FAM133B: variants seen among roughly 807,000 people sequenced by gnomAD.
The protein encoded by FAM133B is protein FAM133B.
In FAM133B, 25 loss-of-function variants were observed where a neutral mutation model predicts 46.4. The observed-to-expected ratio is 0.54, with a 90% confidence interval of 0.39 to 0.75. FAM133B has a LOEUF of 0.75. Ranked by LOEUF, FAM133B falls within the 30% of genes least tolerant of loss-of-function variation. The pLI is 0.00. For missense variants in FAM133B, 205 were observed against 277.6 expected (o/e 0.74, Z 1.86); for synonymous variants, 75 against 86.0 (o/e 0.87, Z 0.71).
intron 1 of FAM133B, among the ~76,000 whole-genome samples, chr7:92,584,693 CT>C (rs1794990100): frequency 6.6e-6 from 1 of 152,152 alleles, no homozygotes; most frequent in African/African-American, 2.4e-5. Flanking sequence ...CATTCAACTG[CT>C]TTTGCTAAGC....
chr7:92,567,156 G>A (rs1794374846), intron 9 of FAM133B, among the ~76,000 whole-genome samples: 1 of 152,140 alleles, frequency 6.6e-6, no homozygotes, highest in Non-Finnish European at 1.5e-5. Context: ...GTTCCAGGCT[G>A]CAGTGATCTA....
chr7:92,577,556 G>A, intron 6 of FAM133B, 99 bp downstream of exon 6: 2 of 1,005,652 alleles, frequency 2.0e-6, no homozygotes, highest in Non-Finnish European at 2.8e-6. Flanking sequence ...TCAAAACCTG[G>A]AAGTCAACAT....
intron 10 of FAM133B, 42 bp downstream of exon 10, chr7:92,565,972 A>G (rs1794334217): frequency 6.3e-7 from 1 of 1,599,380 alleles, no homozygotes; most frequent in African/African-American, 1.3e-5. Flanking sequence ...TTAAACCAAA[A>G]CACCTATTCT....
intron 9 of FAM133B, among the ~76,000 whole-genome samples, chr7:92,566,743 C>A (rs1391499026): frequency 1.3e-5 from 2 of 152,204 alleles, no homozygotes; most frequent in African/African-American, 4.8e-5. Flanking sequence ...TATCCACCCT[C>A]AAGGGGAAGT....
Position 92,581,540 on chromosome 7 carries a change from T to C in FAM133B, c.88A>G (p.Ile30Val). The stretch of plus-strand genomic sequence containing the variant: ...CTTGGTCGATTCAGATAATCCTGTA[T>C]TGTTGGCCCTGAAGACTGGATTGGA... ...RGPIQSSGPT[I>V]QDYLNRPRPT... Residue 30 changes from isoleucine to valine, a missense_variant, in exon 2 of 11, where the codon ATA (isoleucine) becomes GTA (valine). Ile to Val is a conservative substitution (Grantham distance 29). Coordinates refer to ENST00000445716, the MANE Select transcript of FAM133B (RefSeq NM_152789.4). 2.5e-6 allele frequency: 4 copies of C among 1,613,904 alleles called. No homozygotes were observed. The highest frequency in any genetic ancestry group is 3.4e-6 in the Non-Finnish European group (4 of 1,179,834).
At chr7:92,572,936 T>G (rs1794576192) in intron 8 of FAM133B, among the ~76,000 whole-genome samples, 1 of 152,008 alleles carries the variant, frequency 6.6e-6, no homozygotes, top group Non-Finnish European at 1.5e-5. Flanking sequence ...ACAGTAATGC[T>G]GAATGAAAAG....
In FAM133B at chr7:92,564,523, G is replaced by GAACA. The variant is rs376049285; in HGVS notation, c.657+1487_657+1490dup. On this transcript the variant is annotated intron_variant, in intron 10 of 10. Coordinates refer to ENST00000445716, the MANE Select transcript of FAM133B (RefSeq NM_152789.4). Reference sequence around the variant, plus strand: ...TTCACCCAAACTACTTTCACATTCAGAACAAACAAACAAACAAACAAAAAC... The same window carrying GAACA: ...TTCACCCAAACTACTTTCACATTCAGAACAAACAAACAAACAAACAAACAAAAAC... 3.3e-3 allele frequency among the ~76,000 whole-genome samples: 496 copies of GAACA among 152,238 alleles called. 4 individuals carry two copies. The highest frequency in any genetic ancestry group is 0.011 in the African/African-American group (474 of 41,522).
At chr7:92,590,223 G>A in intron 1 of FAM133B, 45 bp downstream of exon 1, 1 of 1,613,402 alleles carries the variant, frequency 6.2e-7, no homozygotes, top group Non-Finnish European at 8.5e-7. Context: ...CTGTCCTGCC[G>A]CCGGGCCCTG....
Position 92,590,255 on chromosome 7 carries a change from G to A in FAM133B, c.24+13C>T. The A allele has an allele frequency of 6.2e-7, 1 of 1,613,660 alleles. No individual in the cohort carries two copies. Among genetic ancestry groups the A allele is most frequent in the Non-Finnish European group, 8.5e-7 (1 of 1,179,656 alleles). ...CCTGCGTCGCCCCACTGTTTTCCCGGCTGAGTACTCACCACCCGATTGTCC... is the reference window on the plus strand; with the variant it reads ...CCTGCGTCGCCCCACTGTTTTCCCGACTGAGTACTCACCACCCGATTGTCC... On this transcript the variant is annotated intron_variant, in intron 1 of 10. Coordinates refer to ENST00000445716, the MANE Select transcript of FAM133B (RefSeq NM_152789.4).
intron 10 of FAM133B, among the ~76,000 whole-genome samples, chr7:92,564,116 C>T (rs1004682830): frequency 6.6e-6 from 1 of 152,170 alleles, no homozygotes; most frequent in Non-Finnish European, 1.5e-5. Flanking sequence ...CCTCTTTCCC[C>T]ACCAGGCATT....
chr7:92,584,138 G>T (rs570477892), intron 1 of FAM133B, among the ~76,000 whole-genome samples: 1 of 149,390 alleles, frequency 6.7e-6, no homozygotes, highest in African/African-American at 2.5e-5. Context: ...ATATCTCACT[G>T]CAACTTTGAA....
intron 7 of FAM133B, 75 bp downstream of exon 7, chr7:92,577,028 T>C (rs75665662): frequency 2.3e-6 from 2 of 860,254 alleles, no homozygotes; most frequent in Non-Finnish European, 3.3e-6. Flanking sequence ...TATTTTTAAA[T>C]TGAGAGCAAC....
chr7:92,570,704 C>T (rs963583344), intron 8 of FAM133B, among the ~76,000 whole-genome samples: 12 of 152,078 alleles, frequency 7.9e-5, no homozygotes, highest in African/African-American at 1.7e-4. Context: ...TTTTATATAG[C>T]GTGAGTCTAA....
chr7:92,577,428 A>T (rs759961056), intron 6 of FAM133B: 12 of 442,058 alleles, frequency 2.7e-5, no homozygotes, highest in Non-Finnish European at 4.3e-5. Flanking sequence ...ATTTTCTTCT[A>T]CTGATATTTT....
In FAM133B at chr7:92,577,688, A is replaced by C; in HGVS notation, c.339T>G (p.Asp113Glu). ...CAGAATCAGAAGAACTGCTGGAAGA[A>C]TCAGAGCTTGATGAAGAAGAAGATG... ...RYSSSSSSSS[D>E]SSSSSSDSED... Residue 113 changes from aspartate (D) to glutamate (E), a missense_variant, in exon 6 of 11, where the codon GAT becomes GAG. Physicochemically the swap from Asp to Glu is conservative, Grantham distance 45 (BLOSUM62 2). Coordinates refer to ENST00000445716, the MANE Select transcript of FAM133B (RefSeq NM_152789.4). The C allele has an allele frequency of 6.3e-7, 1 of 1,586,092 alleles. No homozygotes were observed. Among genetic ancestry groups the C allele is most frequent in the Non-Finnish European group, 8.6e-7 (1 of 1,165,032 alleles).
chr7:92,579,257 G>A (rs551246856), intron 3 of FAM133B, 60 bp downstream of exon 3: 3 of 1,436,588 alleles, frequency 2.1e-6, no homozygotes, highest in Non-Finnish European at 2.9e-6. Context: ...GGAATTATAG[G>A]TATGAGCCAC....
In FAM133B at chr7:92,575,733, T is replaced by C. The variant is rs755041869; in HGVS notation, c.516+38A>G. The C allele has an allele frequency of 6.4e-6, 7 of 1,086,720 alleles. No homozygotes were observed. The East Asian group carries it at 9.8e-5, about 15-fold the overall frequency. The allele number at this position is 1,086,720 out of a possible 1,614,324, so 67.3% of individuals were successfully genotyped here. ...TTATTTAAGTCAATTAAGTATTATA[T>C]GACAGACTATCTTAAGGCAATGTAA... On this transcript the variant is annotated intron_variant, in intron 8 of 10. Coordinates refer to ENST00000445716, the MANE Select transcript of FAM133B (RefSeq NM_152789.4).
intron 1 of FAM133B, chr7:92,589,898 C>T: frequency 3.9e-6 from 1 of 258,058 alleles, no homozygotes; most frequent in Non-Finnish European, 7.4e-6. Context: ...GAGTCGGATG[C>T]GTCCAAGGGC....
chr7:92,573,602 T>C (rs938878722), intron 8 of FAM133B, among the ~76,000 whole-genome samples: 1 of 152,180 alleles, frequency 6.6e-6, no homozygotes, highest in South Asian at 2.1e-4. Context: ...TACTTAAAAA[T>C]TGCAGTTCAG....
Sources: allele counts gnomAD v4.1 joint callset (sites outside exome capture counted in the v4.1 genomes callset), GRCh38; gene constraint gnomAD v4.1.1; transcripts MANE v1.5; gene names NCBI Gene and HGNC (gene_info 2026-07-23, HGNC 2026-07-21).